CSMD2: variants seen among roughly 807,000 people sequenced by gnomAD.
CSMD2 encodes the protein CUB and Sushi multiple domains 2.
CSMD2 carries 130 observed loss-of-function variants against 398.5 expected under a neutral mutation model. The observed-to-expected ratio is 0.33, with a 90% CI of 0.28 to 0.38. The LOEUF is 0.38. Among genes scored for constraint, CSMD2 ranks in the 10% least tolerant of loss-of-function variants. CSMD2 has a pLI of 1.00. For missense variants in CSMD2, 3,829 were observed against 4,764.9 expected, an observed-to-expected ratio of 0.80 and a Z score of 5.78; for synonymous variants, 1,828 against 1,908.5, an observed-to-expected ratio of 0.96 and a Z score of 1.10.
intron 1 of CSMD2, among the ~76,000 whole-genome samples, chr1:34,100,047 T>C (rs1659795531): frequency 6.6e-6 from 1 of 152,224 alleles, no homozygotes; most frequent in Admixed American, 6.5e-5. Flanking sequence ...TTATAATCTC[T>C]TCCTTCCAGA....
intron 1 of CSMD2, among the ~76,000 whole-genome samples, chr1:34,126,262 C>A (rs1662727197): frequency 6.6e-6 from 1 of 152,214 alleles, no homozygotes; most frequent in African/African-American, 2.4e-5. Context: ...CTTCCGGCAG[C>A]TCCCAATCCA....
intron 1 of CSMD2, among the ~76,000 whole-genome samples, chr1:34,094,786 T>C (rs1410251017): frequency 6.6e-6 from 1 of 152,012 alleles, no homozygotes; most frequent in African/African-American, 2.4e-5. Flanking sequence ...ACAAGGAGAC[T>C]TAGACTCCCA....
At position 33,935,784 on chromosome 1, in the gene CSMD2, C is replaced by T. The variant is rs1431374350; in HGVS notation, c.688G>A (p.Asp230Asn). The T allele has an allele frequency of 1.9e-6, 3 of 1,609,866 alleles. No individual in the cohort carries two copies. The highest frequency in any genetic ancestry group is 1.7e-5 in the Admixed American group (1 of 59,734). ...CCTCTGCAGGAAGGCAGGGGGAAGT[C>T]CCACGTGGCGCTGTTCTCAGAGCCA... ...HAGSENSATW[D>N]FPLPSCRADD... Residue 230 changes from aspartate (D) to asparagine (N), a missense_variant, in exon 4 of 71, where the codon GAC becomes AAC. Transcript: ENST00000373381.
At chr1:34,075,599 A>C (rs1656235693) in intron 2 of CSMD2, among the ~76,000 whole-genome samples, 1 of 152,174 alleles carries the variant, frequency 6.6e-6, no homozygotes, top group Non-Finnish European at 1.5e-5. Context: ...TTGAGCCCAA[A>C]TGTCTAAATT....
chr1:33,960,415 G>T (rs1294205719), intron 3 of CSMD2, among the ~76,000 whole-genome samples: 1 of 152,222 alleles, frequency 6.6e-6, no homozygotes, highest in African/African-American at 2.4e-5. Context: ...CACTGACTTG[G>T]AACCCTGATG....
intron 10 of CSMD2, among the ~76,000 whole-genome samples, chr1:33,805,148 T>G (rs534834788): frequency 1.2e-4 from 18 of 152,328 alleles, no homozygotes; most frequent in African/African-American, 2.9e-4. Context: ...TCTAATTGTT[T>G]CTTAGAAAAT....
At chr1:34,151,561 G>C (rs991667923) in intron 1 of CSMD2, among the ~76,000 whole-genome samples, 4 of 152,206 alleles carry the variant, frequency 2.6e-5, no homozygotes, top group Admixed American at 2.6e-4. Context: ...ACTAGGGAAG[G>C]GGATGGACAG....
chr1:34,123,572 T>C (rs2148476550), intron 1 of CSMD2, among the ~76,000 whole-genome samples: 1 of 152,186 alleles, frequency 6.6e-6, no homozygotes, highest in South Asian at 2.1e-4. Flanking sequence ...TCAGAAGTTC[T>C]GGAGGTTTGG....
intron 23 of CSMD2, 52 bp from the exon 24 acceptor site, chr1:33,698,996 A>T: frequency 6.7e-7 from 1 of 1,485,364 alleles, no homozygotes. Context: ...GGCAGAAACC[A>T]TGCTTCCTCT....
intron 10 of CSMD2, among the ~76,000 whole-genome samples, chr1:33,800,424 G>A (rs1317981476): frequency 6.6e-6 from 1 of 152,186 alleles, no homozygotes; most frequent in Non-Finnish European, 1.5e-5. Context: ...TTTCATTTTG[G>A]TGGTTCTGAG....
chr1:33,705,256 A>G (rs913545122), intron 22 of CSMD2, among the ~76,000 whole-genome samples: 2 of 152,212 alleles, frequency 1.3e-5, no homozygotes, highest in African/African-American at 2.4e-5. Context: ...TGGTGAGAAC[A>G]TTTGAAATTT....
intron 5 of CSMD2, among the ~76,000 whole-genome samples, chr1:33,865,538 G>A (rs1639967261): frequency 6.6e-6 from 1 of 152,078 alleles, no homozygotes; most frequent in African/African-American, 2.4e-5. Flanking sequence ...GGCTGGATAA[G>A]AGGGCAGGAT....
chr1:33,826,845 C>T (rs569557082), intron 6 of CSMD2, among the ~76,000 whole-genome samples: 13 of 152,316 alleles, frequency 8.5e-5, no homozygotes, highest in East Asian at 3.9e-4. Context: ...CAGCTACCCA[C>T]GGTGCCATCT....
intron 3 of CSMD2, among the ~76,000 whole-genome samples, chr1:34,005,881 C>G (rs1647038751): frequency 6.6e-6 from 1 of 152,218 alleles, no homozygotes; most frequent in African/African-American, 2.4e-5. Flanking sequence ...TCTCTGCCAT[C>G]CAGCAATATG....
chr1:34,059,322 A>G (rs1467326588), intron 2 of CSMD2, among the ~76,000 whole-genome samples: 1 of 152,156 alleles, frequency 6.6e-6, no homozygotes, highest in African/African-American at 2.4e-5. Context: ...TCAAAAGGCC[A>G]CCACCTTCCT....
At position 33,559,125 on chromosome 1, in the gene CSMD2, G is replaced by A. The variant is rs1658316858; in HGVS notation, c.8554+175C>T. ...ATAACCCATGATGATGAAATTTTAT[G>A]TGGCTCTTTATCTAAGGGTTGAGAA... is the stretch of plus-strand genomic sequence containing the variant. On this transcript the variant is annotated intron_variant, in intron 54 of 70. Coordinates refer to ENST00000373381, the MANE Select transcript of CSMD2 (RefSeq NM_001281956.2). This position sits in a 1 kb window ranked among gnomAD's most constrained non-coding sequence, Gnocchi z 4.0. Among the ~76,000 whole-genome samples the A allele has an allele frequency of 6.6e-6, 1 of 152,160 alleles. No homozygotes were observed. Among genetic ancestry groups the A allele is most frequent in the Non-Finnish European group, 1.5e-5 (1 of 68,030 alleles).
chr1:34,056,629 C>T (rs1653861836), intron 2 of CSMD2, among the ~76,000 whole-genome samples: 1 of 152,176 alleles, frequency 6.6e-6, no homozygotes, highest in Non-Finnish European at 1.5e-5. Flanking sequence ...TAACTTAATA[C>T]AGGCAAAATG....
chr1:34,018,717 C>T lies in CSMD2; in HGVS notation c.517+13877G>A, dbSNP rs16836200. Among the ~76,000 whole-genome samples the T allele has an allele frequency of 6.3e-3, 954 of 152,306 alleles. 26 individuals carry two copies. The East Asian group carries it at 0.068, about 11-fold the overall frequency. ...TGTGAACTCCTTGATACCTTTCTTA[C>T]CACTTTGTATGGGTTCATTATACAA... On this transcript the variant is annotated intron_variant, in intron 3 of 70. Coordinates refer to ENST00000373381, the MANE Select transcript of CSMD2 (RefSeq NM_001281956.2).
At chr1:33,755,249 C>A (rs974899722) in intron 13 of CSMD2, among the ~76,000 whole-genome samples, 9 of 152,148 alleles carry the variant, frequency 5.9e-5, no homozygotes, top group African/African-American at 1.9e-4. Context: ...CCTTAAATTT[C>A]TTTCACCTCT....
Sources: allele counts gnomAD v4.1 joint callset (sites outside exome capture counted in the v4.1 genomes callset), GRCh38; gene constraint gnomAD v4.1.1; non-coding constraint Gnocchi (gnomAD v3.1); transcripts MANE v1.5; gene names NCBI Gene and HGNC (gene_info 2026-07-23, HGNC 2026-07-21).